Variants in ITFG1 observed in about 807,000 individuals in gnomAD.
ITFG1 encodes integrin alpha FG-GAP repeat containing 1, also known as T-cell immunomodulatory protein.
A neutral mutation model predicts 81.8 loss-of-function variants in ITFG1; 34 were observed. The observed-to-expected ratio is 0.42, with a 90% confidence interval of 0.32 to 0.55. ITFG1 has a LOEUF of 0.55. ITFG1 is among the 20% of genes least tolerant of loss of function. ITFG1 has a pLI of 0.17. For synonymous variants in ITFG1, 285 were observed against 270.6 expected, an observed-to-expected ratio of 1.05 and a Z score of -0.52; for missense variants, 672 against 755.4, an observed-to-expected ratio of 0.89 and a Z score of 1.29.
At chr16:47,266,829 AC>A (rs1435191186) in intron 10 of ITFG1, among the ~76,000 whole-genome samples, 1 of 152,244 alleles carries the variant, frequency 6.6e-6, no homozygotes, top group African/African-American at 2.4e-5. Context: ...GAATGGATAA[AC>A]AAAATGTGGT....
chr16:47,162,339 G>A (rs542814027), intron 15 of ITFG1, among the ~76,000 whole-genome samples: 1 of 152,004 alleles, frequency 6.6e-6, no homozygotes, highest in South Asian at 2.1e-4. Flanking sequence ...AAAACTACAC[G>A]GTATCTTAAA....
intron 10 of ITFG1, among the ~76,000 whole-genome samples, chr16:47,307,188 TGAA>T (rs985028715): frequency 5.8e-4 from 78 of 134,572 alleles, no homozygotes; most frequent in African/African-American, 2.1e-3. Flanking sequence ...ACTAAAAACA[TGAA>T]GGAGTCGTAT....
intron 8 of ITFG1, among the ~76,000 whole-genome samples, chr16:47,324,374 G>C (rs1967497426): frequency 6.6e-6 from 1 of 152,022 alleles, no homozygotes. Flanking sequence ...ACCAGCCACT[G>C]CAAAAACATG....
intron 12 of ITFG1, 151 bp downstream of exon 12, chr16:47,258,481 C>A: frequency 2.0e-6 from 1 of 488,944 alleles, no homozygotes; most frequent in South Asian, 3.4e-5. Flanking sequence ...CTGGTGAAAT[C>A]TGAATGGGGT....
Position 47,256,689 on chromosome 16 carries a change from G to A in ITFG1, c.1330+1943C>T, listed in dbSNP as rs1322635941. ...AGTATTTTGTGGCTGCAGTAATAATGAAGATAGGTGAAACTCTTAGCTCAA... is the reference window on the plus strand; with the variant it reads ...AGTATTTTGTGGCTGCAGTAATAATAAAGATAGGTGAAACTCTTAGCTCAA... On this transcript the variant is annotated intron_variant, in intron 12 of 17. Coordinates refer to ENST00000320640, the MANE Select transcript of ITFG1 (RefSeq NM_030790.5). 2.0e-5 allele frequency among the ~76,000 whole-genome samples: 3 copies of A among 152,192 alleles called. No homozygotes were observed. The East Asian group carries it at 5.8e-4, about 29-fold the overall frequency.
chr16:47,299,714 A>T (rs576770843), intron 10 of ITFG1: 1 of 152,260 alleles, frequency 6.6e-6, no homozygotes, highest in Non-Finnish European at 1.5e-5. Flanking sequence ...GCGGGATACC[A>T]TCCTACGGCC....
At chr16:47,374,984 T>TCAG (rs1197473095) in intron 7 of ITFG1, among the ~76,000 whole-genome samples, 1 of 152,226 alleles carries the variant, frequency 6.6e-6, no homozygotes, top group Non-Finnish European at 1.5e-5. Flanking sequence ...TTATTTTTTA[T>TCAG]CAGCATTTTA....
At chr16:47,358,691 T>C (rs1173983287) in intron 8 of ITFG1, among the ~76,000 whole-genome samples, 1 of 152,224 alleles carries the variant, frequency 6.6e-6, no homozygotes, top group African/African-American at 2.4e-5. Flanking sequence ...TTAAAAACCA[T>C]TTATAATATT....
chr16:47,412,510 A>T (rs1968823876), intron 6 of ITFG1, among the ~76,000 whole-genome samples: 1 of 151,938 alleles, frequency 6.6e-6, no homozygotes, highest in South Asian at 2.1e-4. Flanking sequence ...GGCAAAACCC[A>T]GTCTCTACTG....
chr16:47,182,438 G>A (rs1049472963), intron 14 of ITFG1, among the ~76,000 whole-genome samples: 63 of 150,744 alleles, frequency 4.2e-4, no homozygotes, highest in African/African-American at 1.4e-3. Context: ...GGATTTGAAT[G>A]CCAAAAGTAT....
intron 10 of ITFG1, chr16:47,263,324 G>C (rs1213513983): frequency 2.1e-6 from 1 of 470,832 alleles, no homozygotes; most frequent in East Asian, 6.5e-5. Flanking sequence ...CCTGGAAATG[G>C]AGCAGGCCTA....
chr16:47,449,537 ATATATCT>A (rs1405396937), intron 5 of ITFG1: 1 of 152,236 alleles, frequency 6.6e-6, no homozygotes, highest in Non-Finnish European at 1.5e-5. Flanking sequence ...CTGTCAGCTT[ATATATCT>A]TCAAACTGGC....
intron 10 of ITFG1, among the ~76,000 whole-genome samples, chr16:47,304,353 C>T (rs1039853268): frequency 6.6e-6 from 1 of 152,152 alleles, no homozygotes. Flanking sequence ...TATAAATTTA[C>T]AGGTACATAG....
At chr16:47,380,631 G>C (rs1968384589) in intron 6 of ITFG1, among the ~76,000 whole-genome samples, 1 of 152,174 alleles carries the variant, frequency 6.6e-6, no homozygotes, top group South Asian at 2.1e-4. Flanking sequence ...GTTGGTATAG[G>C]GAGAGTGGGG....
Position 47,215,224 on chromosome 16 carries a change from T to C in ITFG1, c.1453+3644A>G, listed in dbSNP as rs572877080. ...AACATTCTCTGCTGATGGGGTAGGA[T>C]GGGATGGAAGGTACGGTTTAGCCCA... On this transcript the variant is annotated intron_variant, in intron 14 of 17. Transcript: ENST00000320640. Among the ~76,000 whole-genome samples, 65 of 152,242 alleles carry C rather than the reference T, an allele frequency of 4.3e-4. 1 individual carries two copies. The South Asian group carries it at 7.5e-3, about 17-fold the overall frequency.
intron 1 of ITFG1, among the ~76,000 whole-genome samples, chr16:47,460,033 T>A (rs1459330959): frequency 6.6e-6 from 1 of 152,190 alleles, no homozygotes; most frequent in Non-Finnish European, 1.5e-5. Flanking sequence ...GACCCCCTAA[T>A]GCCCACTGTC....
At chr16:47,179,244 T>G (rs1421001891) in intron 14 of ITFG1, among the ~76,000 whole-genome samples, 2 of 152,230 alleles carry the variant, frequency 1.3e-5, no homozygotes, top group African/African-American at 4.8e-5. Context: ...CCCAAAGAAT[T>G]ATAAATCATG....
chr16:47,390,430 A>G (rs1474664924), intron 6 of ITFG1, among the ~76,000 whole-genome samples: 1 of 152,206 alleles, frequency 6.6e-6, no homozygotes, highest in Non-Finnish European at 1.5e-5. Flanking sequence ...GGAATGAAAT[A>G]AAACCAGATA....
intron 14 of ITFG1, among the ~76,000 whole-genome samples, chr16:47,181,773 G>A (rs1003383683): frequency 3.3e-5 from 5 of 152,306 alleles, no homozygotes; most frequent in East Asian, 3.9e-4. Flanking sequence ...TTGAGAAATC[G>A]GATGTTTGCT....
Sources: allele counts gnomAD v4.1 joint callset (sites outside exome capture counted in the v4.1 genomes callset), GRCh38; gene constraint gnomAD v4.1.1; transcripts MANE v1.5; gene names NCBI Gene and HGNC (gene_info 2026-07-23, HGNC 2026-07-21).